The following XKR9 variants were observed in gnomAD, a reference collection of about 807,000 sequenced individuals.
XKR9 encodes XK related 9, also known as XK-related protein 9.
XKR9 carries 32 observed loss-of-function variants against 32.0 expected under a neutral mutation model. The ratio of observed to expected loss-of-function variants is 1.00; its 90% CI spans 0.76 to 1.34. The LOEUF (loss-of-function observed/expected upper bound fraction) is 1.34. Among genes scored for constraint, XKR9 ranks in the 40% most tolerant of loss-of-function variants. XKR9 has a pLI of 0.00. For synonymous variants in XKR9, 168 were observed against 143.4 expected (o/e 1.17, Z -1.22); for missense variants, 546 against 429.7 (o/e 1.27, Z -2.39).
the XKR9 span, among the ~76,000 whole-genome samples, chr8:70,801,179 T>C: frequency 6.6e-6 from 1 of 152,180 alleles, no homozygotes; most frequent in Non-Finnish European, 1.5e-5. Flanking sequence ...TCAGTTTGCT[T>C]CCATTCAACT....
chr8:70,986,513 T>A, the XKR9 span, among the ~76,000 whole-genome samples: 1 of 152,216 alleles, frequency 6.6e-6, no homozygotes, highest in Non-Finnish European at 1.5e-5. Flanking sequence ...ATGGCTCTGA[T>A]GTACAGTGAA....
At position 70,735,217 on chromosome 8, in the gene XKR9, T is replaced by C. The variant is rs1329981310; in HGVS notation, c.*793T>C. Reference sequence around the variant, plus strand: ...AGATCTCAAGGACTTTTTCACCTTGTAAAACTAAGATTCTCTATTTATTGA... The same window carrying C: ...AGATCTCAAGGACTTTTTCACCTTGCAAAACTAAGATTCTCTATTTATTGA... On this transcript the variant is annotated 3_prime_UTR_variant, in exon 5 of 5. Coordinates refer to ENST00000408926, the MANE Select transcript of XKR9 (RefSeq NM_001011720.2). The C allele has an allele frequency of 1.3e-5, 2 of 151,794 alleles. No homozygotes were observed. The highest frequency in any genetic ancestry group is 4.9e-5 in the African/African-American group (2 of 41,230). 9.4% of individuals were successfully genotyped at this position (151,794 alleles called of 1,614,324 possible). A position where few individuals can be genotyped will look rare whatever the true frequency, so the allele number is the denominator to read the frequency against.
chr8:71,025,243 C>G, the XKR9 span, among the ~76,000 whole-genome samples: 3 of 152,302 alleles, frequency 2.0e-5, no homozygotes, highest in East Asian at 5.8e-4. Context: ...GTTAGCTTGA[C>G]AGGCAACTCT....
intron 2 of XKR9, among the ~76,000 whole-genome samples, chr8:70,776,947 C>CTCTA: frequency 3.9e-4 from 21 of 54,214 alleles, no homozygotes; most frequent in African/African-American, 8.7e-4. Flanking sequence ...CTCTCTCTCT[C>CTCTA]TATATATATA....
intron 2 of XKR9, among the ~76,000 whole-genome samples, chr8:70,755,483 A>G (rs1232576081): frequency 2.0e-5 from 3 of 152,206 alleles, no homozygotes; most frequent in South Asian, 2.1e-4. Context: ...GGCATTATTC[A>G]CAATAGCAAA....
the XKR9 span, among the ~76,000 whole-genome samples, chr8:70,921,599 A>T: frequency 6.6e-6 from 1 of 152,274 alleles, no homozygotes; most frequent in Middle Eastern, 3.4e-3. Context: ...AGGTACTTTC[A>T]GTTGAATTCT....
chr8:71,050,264 TAGATAG>T, the XKR9 span, among the ~76,000 whole-genome samples: 1,303 of 95,360 alleles, frequency 0.014, 17 homozygotes, highest in African/African-American at 0.039. Flanking sequence ...TATATATAGA[TAGATAG>T]ATAGATATAG....
chr8:70,970,259 G>A, the XKR9 span, among the ~76,000 whole-genome samples: 14 of 152,130 alleles, frequency 9.2e-5, no homozygotes, highest in African/African-American at 2.7e-4. Flanking sequence ...TAGATACCTC[G>A]TAGTGGGATT....
the XKR9 span, among the ~76,000 whole-genome samples, chr8:70,837,042 G>C: frequency 2.0e-5 from 3 of 152,184 alleles, no homozygotes; most frequent in Non-Finnish European, 4.4e-5. Flanking sequence ...GAGCCTGAAT[G>C]GTTCAAAATA....
At chr8:70,713,155 A>G (rs1248841444) in intron 4 of XKR9, among the ~76,000 whole-genome samples, 1 of 152,186 alleles carries the variant, frequency 6.6e-6, no homozygotes, top group Non-Finnish European at 1.5e-5. Flanking sequence ...AGGAATTGAA[A>G]GGAACAAATT....
At chr8:70,800,109 T>C in the XKR9 span, among the ~76,000 whole-genome samples, 1 of 152,198 alleles carries the variant, frequency 6.6e-6, no homozygotes. Context: ...TCTGCATCTA[T>C]TGAGATAATC....
At chr8:71,035,244 G>A in the XKR9 span, among the ~76,000 whole-genome samples, 26 of 152,270 alleles carry the variant, frequency 1.7e-4, no homozygotes, top group Admixed American at 3.9e-4. Flanking sequence ...CTAATTAAAT[G>A]CACAGGAGTG....
At chr8:70,751,595 A>T (rs555560685) in intron 2 of XKR9, among the ~76,000 whole-genome samples, 3 of 152,314 alleles carry the variant, frequency 2.0e-5, no homozygotes, top group African/African-American at 7.2e-5. Flanking sequence ...TAGGTACCAT[A>T]CGATCATTTG....
At chr8:70,818,698 T>A in the XKR9 span, among the ~76,000 whole-genome samples, 1 of 152,204 alleles carries the variant, frequency 6.6e-6, no homozygotes, top group Non-Finnish European at 1.5e-5. Flanking sequence ...TTGGGAATTT[T>A]GTTTGTGCTA....
At chr8:70,688,728 T>C (rs2132128106) in intron 3 of XKR9, among the ~76,000 whole-genome samples, 1 of 151,692 alleles carries the variant, frequency 6.6e-6, no homozygotes, top group East Asian at 1.9e-4. Context: ...TTTTTTTTTT[T>C]TGAAATTGAT....
At chr8:71,042,376 ACT>A in the XKR9 span, among the ~76,000 whole-genome samples, 1 of 151,846 alleles carries the variant, frequency 6.6e-6, no homozygotes, top group African/African-American at 2.4e-5. Context: ...TGGAGTATAG[ACT>A]CTGGAGCTTG....
At position 70,673,694 on chromosome 8, in the gene XKR9, G is replaced by A. The variant is rs565774071; in HGVS notation, c.-360-1124G>A. Among the ~76,000 whole-genome samples, 10 of 152,184 alleles carry A rather than the reference G, an allele frequency of 6.6e-5. No individual in the cohort carries two copies. The East Asian group carries it at 1.5e-3, about 24-fold the overall frequency. ...GCAGGAGAATCACTTGAACCCAGGA[G>A]GCGGAGGTTGCAGTGAGCTGAGATC... On this transcript the variant is annotated intron_variant, in intron 1 of 4. Transcript: ENST00000408926.
intron 2 of XKR9, among the ~76,000 whole-genome samples, chr8:70,768,280 G>T (rs899287567): frequency 6.6e-6 from 1 of 152,190 alleles, no homozygotes; most frequent in South Asian, 2.1e-4. Context: ...ACTGTGGTCT[G>T]AGAGACTGTT....
chr8:70,897,409 A>C, the XKR9 span, among the ~76,000 whole-genome samples: 1 of 152,048 alleles, frequency 6.6e-6, no homozygotes, highest in African/African-American at 2.4e-5. Flanking sequence ...CCAGCAGTGA[A>C]TTCCTGAATC....
Sources: gnomAD v4.1 joint callset for allele counts (sites outside exome capture counted in the v4.1 genomes callset) on GRCh38, gnomAD v4.1.1 for gene constraint, MANE v1.5 for transcripts, NCBI Gene and HGNC (gene_info 2026-07-23, HGNC 2026-07-21) for gene names.